The following MTR variants were observed in gnomAD, a reference collection of about 807,000 sequenced individuals.
MTR encodes methionine synthase.
Under a neutral mutation model 154.8 loss-of-function variants are expected in MTR, and 84 were observed. That is an observed-to-expected ratio of 0.54 (90% CI 0.45 to 0.65). The LOEUF (loss-of-function observed/expected upper bound fraction) is 0.65, where lower values mean the gene tolerates loss of function less well. Ranked by LOEUF, MTR falls within the 30% of genes least tolerant of loss-of-function variation. The probability of loss-of-function intolerance (pLI) is 0.00; values close to 1 mark genes in which losing one functional copy is unlikely to be tolerated. For missense variants in MTR, 1,275 were observed against 1,570.2 expected, an observed-to-expected ratio of 0.81 and a Z score of 3.18; for synonymous variants, 554 against 553.9, an observed-to-expected ratio of 1.00 and a Z score of 0.00.
chr1:236,880,703 TA>T (rs1665682877), intron 24 of MTR, 51 bp from the exon 25 acceptor site: 1 of 1,396,772 alleles, frequency 7.2e-7, no homozygotes, highest in African/African-American at 1.4e-5. Context: ...AAGAGTTGTA[TA>T]GGAACTGTCA....
At chr1:236,897,271 C>G (rs1321004135) in intron 32 of MTR, among the ~76,000 whole-genome samples, 153 bp downstream of exon 32, 1 of 129,258 alleles carries the variant, frequency 7.7e-6, no homozygotes, top group East Asian at 2.4e-4. Flanking sequence ...TAGAATACCT[C>G]TATTCTAGCC....
At chr1:236,870,732 A>G (rs1665081413) in intron 22 of MTR, among the ~76,000 whole-genome samples, 1 of 152,304 alleles carries the variant, frequency 6.6e-6, no homozygotes, top group Non-Finnish European at 1.5e-5. Context: ...TGACAGCTCC[A>G]TTTGGATATC....
At chr1:236,826,750 C>CGTCT in intron 10 of MTR, 79 bp from the exon 11 acceptor site, 1 of 1,117,822 alleles carries the variant, frequency 8.9e-7, no homozygotes. Context: ...GAAGTATAGA[C>CGTCT]GGCTTTTATG....
At chr1:236,846,870 G>T (rs1017749448) in intron 15 of MTR, among the ~76,000 whole-genome samples, 2 of 151,286 alleles carry the variant, frequency 1.3e-5, no homozygotes, top group Non-Finnish European at 2.9e-5. Flanking sequence ...CATCACTTCT[G>T]TTTTTTTTGT....
chr1:236,796,577 G>A (rs1161313124), intron 1 of MTR, among the ~76,000 whole-genome samples: 1 of 152,066 alleles, frequency 6.6e-6, no homozygotes, highest in African/African-American at 2.4e-5. Context: ...TAACGCACAA[G>A]GAAATTTATC....
chr1:236,848,866 A>G (rs1233865347), intron 15 of MTR, among the ~76,000 whole-genome samples: 1 of 152,230 alleles, frequency 6.6e-6, no homozygotes, highest in Non-Finnish European at 1.5e-5. Context: ...AGTTCTTTTC[A>G]TAATTCCCCT....
intron 4 of MTR, 101 bp downstream of exon 4, chr1:236,808,874 C>T (rs555595685): frequency 4.8e-6 from 5 of 1,045,054 alleles, no homozygotes; most frequent in Non-Finnish European, 7.5e-6. Flanking sequence ...TGGCCTTTGG[C>T]TTACGAGTAA....
Position 236,795,632 on chromosome 1 carries a change from CT to C in MTR, c.-70del, listed in dbSNP as rs762696375. On this transcript the variant is annotated 5_prime_UTR_variant, in exon 1 of 33. Coordinates refer to ENST00000366577, the MANE Select transcript of MTR (RefSeq NM_000254.3). ...TCGCCTGGCGCTGGCTGGCGTGGCCCTTGGCCGTCGTCACCTGTGGAGAGCA... is the reference window on the plus strand; with the variant it reads ...TCGCCTGGCGCTGGCTGGCGTGGCCCTGGCCGTCGTCACCTGTGGAGAGCA... 9.9e-6 allele frequency: 16 copies of C among 1,608,144 alleles called. No individual in the cohort carries two copies. Among genetic ancestry groups the C allele is most frequent in the Non-Finnish European group, 1.4e-5 (16 of 1,179,216 alleles).
Position 236,902,082 on chromosome 1 carries a change from C to G in MTR, c.*4438C>G, listed in dbSNP as rs1354499055. ...AGTGGGCTCTCTGATTCTTTACACCCCCGCCTCAATCCTCCTGCTGCCTGA... is the reference window on the plus strand; with the variant it reads ...AGTGGGCTCTCTGATTCTTTACACCGCCGCCTCAATCCTCCTGCTGCCTGA... On this transcript the variant is annotated 3_prime_UTR_variant, in exon 33 of 33. Coordinates refer to ENST00000366577, the MANE Select transcript of MTR (RefSeq NM_000254.3). 1 of 152,418 alleles carries G rather than the reference C, an allele frequency of 6.6e-6. No homozygotes were observed. The highest frequency in any genetic ancestry group is 1.5e-5 in the Non-Finnish European group (1 of 68,288). 9.4% of individuals were successfully genotyped at this position (152,418 alleles called of 1,614,324 possible). A position where few individuals can be genotyped will look rare whatever the true frequency, so the allele number is the denominator to read the frequency against.
At chr1:236,863,974 G>A (rs1380590564) in intron 22 of MTR, among the ~76,000 whole-genome samples, 1 of 152,056 alleles carries the variant, frequency 6.6e-6, no homozygotes, top group Non-Finnish European at 1.5e-5. Flanking sequence ...AGTTTTACAG[G>A]AAGGCCTTCT....
rs967021355 is a variant in MTR at position 236,895,549 on chromosome 1, A to C, written c.3597A>C (p.Thr1199=). 1 of 1,567,220 alleles carries C rather than the reference A, an allele frequency of 6.4e-7. No individual in the cohort carries two copies. ...MWRLADIEQS[T]GIRLTESLAM... is the part of the protein sequence containing the mutation. ...GACTCGCAGACATCGAGCAGTCTACAGGTAGGAGCCAGGAGGCTGCGGGTT... is the reference window on the plus strand; with the variant it reads ...GACTCGCAGACATCGAGCAGTCTACCGGTAGGAGCCAGGAGGCTGCGGGTT... Residue 1199 remains threonine, a splice_region_variant and synonymous_variant, in exon 31 of 33, where the codon ACA becomes ACC. Coordinates refer to ENST00000366577, the MANE Select transcript of MTR (RefSeq NM_000254.3).
At chr1:236,870,531 G>A (rs770496526) in intron 22 of MTR, among the ~76,000 whole-genome samples, 8 of 152,084 alleles carry the variant, frequency 5.3e-5, no homozygotes, top group Non-Finnish European at 8.8e-5. Flanking sequence ...CTGCATTTCC[G>A]ACAAACTCTC....
chr1:236,816,575 C>A, intron 8 of MTR, 32 bp downstream of exon 8: 1 of 1,584,886 alleles, frequency 6.3e-7, no homozygotes, highest in Non-Finnish European at 8.7e-7. Context: ...AACTTCTTTT[C>A]TTTTTTGGGG....
At chr1:236,804,764 T>C (rs1490807662) in intron 2 of MTR, among the ~76,000 whole-genome samples, 1 of 152,186 alleles carries the variant, frequency 6.6e-6, no homozygotes, top group African/African-American at 2.4e-5. Context: ...CTGATATTAG[T>C]TGGTGTGTGT....
At position 236,894,536 on chromosome 1, in the gene MTR, G is replaced by T. The variant is rs767454577; in HGVS notation, c.3384G>T (p.Ala1128=). 8 of 1,614,150 alleles carry T rather than the reference G, an allele frequency of 5.0e-6. No homozygotes were observed. The highest frequency in any genetic ancestry group is 1.1e-5 in the South Asian group (1 of 91,088). The change falls in exon 30 of 33, where the codon GCG becomes GCT. Residue 1128 remains alanine (A), a synonymous_variant. Coordinates refer to ENST00000366577, the MANE Select transcript of MTR (RefSeq NM_000254.3). ...GDDYSSIMVK[A]LGDRLAEAFA... ...ACTACAGCAGCATCATGGTCAAGGCGCTGGGGGACCGGCTGGCAGAGGTAA... is the reference window on the plus strand; with the variant it reads ...ACTACAGCAGCATCATGGTCAAGGCTCTGGGGGACCGGCTGGCAGAGGTAA...
At chr1:236,800,646 A>G (rs1572177704) in intron 1 of MTR, among the ~76,000 whole-genome samples, 2 of 152,308 alleles carry the variant, frequency 1.3e-5, no homozygotes, top group South Asian at 2.1e-4. Context: ...CAGGCTTTAC[A>G]TGATTTTTCA....
intron 2 of MTR, among the ~76,000 whole-genome samples, chr1:236,805,564 C>T (rs1272374172): frequency 2.0e-5 from 3 of 152,108 alleles, no homozygotes; most frequent in Non-Finnish European, 4.4e-5. Context: ...CACTCTAGCC[C>T]ACTGTGGCTC....
intron 22 of MTR, among the ~76,000 whole-genome samples, chr1:236,871,501 A>G (rs1665128895): frequency 6.9e-6 from 1 of 144,830 alleles, no homozygotes; most frequent in African/African-American, 2.5e-5. Flanking sequence ...TTGAATTTTA[A>G]AACATATACA....
intron 15 of MTR, 146 bp downstream of exon 15, chr1:236,838,745 T>A: frequency 3.7e-6 from 3 of 819,816 alleles, no homozygotes; most frequent in Non-Finnish European, 4.0e-6. Context: ...TATGTACACG[T>A]ATCTGTATAC....
Sources: gnomAD v4.1 joint callset for allele counts (sites outside exome capture counted in the v4.1 genomes callset) on GRCh38, gnomAD v4.1.1 for gene constraint, MANE v1.5 for transcripts, NCBI Gene and HGNC (gene_info 2026-07-23, HGNC 2026-07-21) for gene names.